Variants in M6PR observed in about 807,000 individuals in gnomAD.
M6PR encodes mannose-6-phosphate receptor, cation dependent.
In M6PR, 19 loss-of-function variants were observed where a neutral mutation model predicts 33.1. The observed-to-expected ratio is 0.57, with a 90% CI of 0.40 to 0.84. M6PR has a LOEUF of 0.84. M6PR is among the 40% of genes least tolerant of loss of function. M6PR has a pLI of 0.00. For synonymous variants in M6PR, 111 were observed against 123.4 expected (o/e 0.90, Z 0.67); for missense variants, 295 against 336.0 (o/e 0.88, Z 0.95).
At chr12:8,943,297 T>G in intron 5 of M6PR, 108 bp downstream of exon 5, 1 of 1,276,950 alleles carries the variant, frequency 7.8e-7, no homozygotes, top group Non-Finnish European at 1.1e-6. Context: ...CCCCATCAAT[T>G]ACAGCATAAT....
chr12:8,948,252 T>C (rs1946130490), intron 1 of M6PR, among the ~76,000 whole-genome samples: 1 of 152,242 alleles, frequency 6.6e-6, no homozygotes, highest in South Asian at 2.1e-4. Context: ...TCTTTAAATT[T>C]AAGCTGCTTC....
In M6PR at chr12:8,942,465, T is replaced by C; in HGVS notation, c.662A>G (p.Glu221Gly). ...CCAGAAGGCTAAGTGGGGAAACTGCTCCATTCCTTTGGCTCCCACTACCAG... is the reference window on the plus strand; with the variant it reads ...CCAGAAGGCTAAGTGGGGAAACTGCCCCATTCCTTTGGCTCCCACTACCAG... ...QRLVVGAKGM[E>G]QFPHLAFWQD... The change falls in exon 6 of 7, where the codon GAG becomes GGG. Residue 221 changes from glutamate to glycine, a missense_variant. Coordinates refer to ENST00000000412, the MANE Select transcript of M6PR (RefSeq NM_002355.4). The C allele has an allele frequency of 6.2e-7, 1 of 1,614,164 alleles. No homozygotes were observed. The highest frequency in any genetic ancestry group is 8.5e-7 in the Non-Finnish European group (1 of 1,180,014).
At position 8,946,336 on chromosome 12, in the gene M6PR, T is replaced by A. The variant is rs1431617386; in HGVS notation, c.69A>T (p.Glu23Asp). The change falls in exon 2 of 7, where the codon GAA (glutamate) becomes GAT (aspartate). Residue 23 changes from glutamate to aspartate, a missense_variant. Coordinates refer to ENST00000000412, the MANE Select transcript of M6PR (RefSeq NM_002355.4). ...LLLLLAVAVR[E>D]SWQTEEKTCD... ...AAGTTTTTTCTTCTGTCTGCCAGGA[T>A]TCTCTCACTGCCACAGCCAGGAGTA... 6 of 1,614,186 alleles carry A rather than the reference T, an allele frequency of 3.7e-6. No homozygotes were observed. The Middle Eastern group carries it at 4.9e-4, about 133-fold the overall frequency.
chr12:8,948,968 G>C (rs1946148423), intron 1 of M6PR, among the ~76,000 whole-genome samples: 1 of 152,182 alleles, frequency 6.6e-6, no homozygotes, highest in Non-Finnish European at 1.5e-5. Flanking sequence ...GACAAGTAGC[G>C]GCTATGTCCC....
Position 8,941,876 on chromosome 12 carries a change from C to G in M6PR, c.776G>C (p.Gly259Ala), listed in dbSNP as rs1385774101. ...TGACTCCTCCCCCAGCTGGTCATCC[C>G]CCACACCACGATATGCTGCAGGCAC... is the stretch of plus-strand genomic sequence containing the variant. ...RNVPAAYRGVGDDQLGEESEE... is the reference protein window; with the variant it reads ...RNVPAAYRGVADDQLGEESEE... Residue 259 changes from glycine (G) to alanine (A), a missense_variant, in exon 7 of 7, where the codon GGG becomes GCG. Coordinates refer to ENST00000000412, the MANE Select transcript of M6PR (RefSeq NM_002355.4). 1 of 1,614,130 alleles carries G rather than the reference C, an allele frequency of 6.2e-7. No homozygotes were observed. Among genetic ancestry groups the G allele is most frequent in the South Asian group, 1.1e-5 (1 of 91,080 alleles).
In M6PR at chr12:8,943,636, C is replaced by A. The variant is rs937764518; in HGVS notation, c.454-101G>T. Reference sequence around the variant, plus strand: ...AAACATCTGCTCCTTCCTGGTTCAGCAGCCTATTTTCCATGGAAGATGCGT... The same window carrying A: ...AAACATCTGCTCCTTCCTGGTTCAGAAGCCTATTTTCCATGGAAGATGCGT... On this transcript the variant is annotated intron_variant, in intron 4 of 6. Coordinates refer to ENST00000000412, the MANE Select transcript of M6PR (RefSeq NM_002355.4). 2.8e-5 allele frequency: 42 copies of A among 1,499,400 alleles called. No homozygotes were observed. In the Admixed American group the frequency reaches 6.7e-4, roughly 24 times the overall value. The allele number at this position is 1,499,400 out of a possible 1,614,324, so 92.9% of individuals were successfully genotyped here. A position where few individuals can be genotyped will look rare whatever the true frequency, so the allele number is the denominator to read the frequency against.
rs1390044674 is a variant in M6PR at position 8,943,719 on chromosome 12, T to G, written c.453+82A>C. ...TTCTAATGTCCATCCCAACGTATCG[T>G]GTCCCCTCTGGATATTCTCCCCAAC... On this transcript the variant is annotated intron_variant, in intron 4 of 6. Transcript: ENST00000000412. 2.2e-6 allele frequency: 3 copies of G among 1,366,988 alleles called. No homozygotes were observed. In the African/African-American group the frequency reaches 4.3e-5, roughly 20 times the overall value. 84.7% of individuals were successfully genotyped at this position (1,366,988 alleles called of 1,614,324 possible).
intron 3 of M6PR, among the ~76,000 whole-genome samples, chr12:8,944,658 TAAGAAA>T (rs1946070017): frequency 6.6e-6 from 1 of 152,202 alleles, no homozygotes; most frequent in South Asian, 2.1e-4. Flanking sequence ...ATATGACTTT[TAAGAAA>T]TATCACCACC....
At chr12:8,944,044 G>T (rs900336419) in intron 3 of M6PR, 134 bp from the exon 4 acceptor site, 33 of 651,618 alleles carry the variant, frequency 5.1e-5, no homozygotes, top group Non-Finnish European at 9.3e-5. Context: ...GTACGAACTT[G>T]GTATACCAGA....
At position 8,941,712 on chromosome 12, in the gene M6PR, A is replaced by C. The variant is rs1946011286; in HGVS notation, c.*106T>G. 1 of 1,391,104 alleles carries C rather than the reference A, an allele frequency of 7.2e-7. No individual in the cohort carries two copies. The highest frequency in any genetic ancestry group is 2.3e-5 in the East Asian group (1 of 43,236). The allele number at this position is 1,391,104 out of a possible 1,614,324, so 86.2% of individuals were successfully genotyped here. The stretch of plus-strand genomic sequence containing the variant: ...AAAAGCAAACTGGAAAGCAAGAGCA[A>C]TAGTAAGGGTGAGATGAGGGACTGG... On this transcript the variant is annotated 3_prime_UTR_variant, in exon 7 of 7. Coordinates refer to ENST00000000412, the MANE Select transcript of M6PR (RefSeq NM_002355.4).
chr12:8,942,456 G>C lies in M6PR; in HGVS notation c.671C>G (p.Pro224Arg). Residue 224 changes from proline (P) to arginine (R), a missense_variant, in exon 6 of 7, where the codon CCC becomes CGC. Physicochemically the swap from Pro to Arg is moderately radical, Grantham distance 103. Transcript: ENST00000000412. ...VVGAKGMEQF[P>R]HLAFWQDLGN... is the part of the protein sequence containing the mutation. ...AAGATCCTGCCAGAAGGCTAAGTGG[G>C]GAAACTGCTCCATTCCTTTGGCTCC... 1 of 1,614,172 alleles carries C rather than the reference G, an allele frequency of 6.2e-7. No individual in the cohort carries two copies. Among genetic ancestry groups the C allele is most frequent in the Non-Finnish European group, 8.5e-7 (1 of 1,180,024 alleles).
intron 6 of M6PR, chr12:8,942,191 G>A (rs1946022793): frequency 1.5e-6 from 1 of 683,126 alleles, no homozygotes; most frequent in Non-Finnish European, 2.4e-6. Flanking sequence ...AGCCCATCTG[G>A]TCAACAGTGT....
In M6PR at chr12:8,943,800, C is replaced by T; in HGVS notation, c.453+1G>A. The T allele has an allele frequency of 1.2e-6, 2 of 1,612,008 alleles. No individual in the cohort carries two copies. Among genetic ancestry groups the T allele is most frequent in the Non-Finnish European group, 8.5e-7 (1 of 1,179,588 alleles). ...GGCTTATACAACACAGGGTGCCTCA[C>T]CGCTAGGGTGTGTCGATTGCAGGAG... On this transcript the variant is annotated splice_donor_variant, in intron 4 of 6. Transcript: ENST00000000412. LOFTEE classifies it high-confidence loss of function.
intron 6 of M6PR, 38 bp from the exon 7 acceptor site, chr12:8,941,978 A>G (rs367796443): frequency 1.2e-6 from 2 of 1,611,576 alleles, no homozygotes; most frequent in South Asian, 1.1e-5. Context: ...AATTCGCAGC[A>G]TCTAACTTTA....
At position 8,941,293 on chromosome 12, in the gene M6PR, G is replaced by T. The variant is rs796220315; in HGVS notation, c.*525C>A. On this transcript the variant is annotated 3_prime_UTR_variant, in exon 7 of 7. Transcript: ENST00000000412. ...ATCTCCAGGCTCAGACTAAACGAGA[G>T]TACTTGGACTGCAACCAAGTAATCA... The T allele has an allele frequency of 4.2e-6, 1 of 240,102 alleles. No homozygotes were observed. The highest frequency in any genetic ancestry group is 2.3e-5 in the African/African-American group (1 of 42,890). 14.9% of individuals were successfully genotyped at this position (240,102 alleles called of 1,614,324 possible). A position where few individuals can be genotyped will look rare whatever the true frequency, so the allele number is the denominator to read the frequency against.
Position 8,941,736 on chromosome 12 carries a change from G to C in M6PR, c.*82C>G. 1.9e-6 allele frequency: 3 copies of C among 1,547,858 alleles called. No homozygotes were observed. In the South Asian group the frequency reaches 3.4e-5, roughly 17 times the overall value. On this transcript the variant is annotated 3_prime_UTR_variant, in exon 7 of 7. Transcript: ENST00000000412. ...AATAGTAAGGGTGAGATGAGGGACT[G>C]GAGTTGAGACTGCTTGAGAAATCTG...
rs774806924 is a variant in M6PR at position 8,942,435 on chromosome 12, T to A, written c.692A>T (p.Asp231Val). ...EQFPHLAFWQ[D>V]LGNLVADGCD... ...ACTTACTGCTACCAGGTTGCCAAGA[T>A]CCTGCCAGAAGGCTAAGTGGGGAAA... Residue 231 changes from aspartate to valine, a missense_variant, in exon 6 of 7, where the codon GAT becomes GTT. Coordinates refer to ENST00000000412, the MANE Select transcript of M6PR (RefSeq NM_002355.4). 1 of 1,614,196 alleles carries A rather than the reference T, an allele frequency of 6.2e-7. No individual in the cohort carries two copies. The highest frequency in any genetic ancestry group is 1.1e-5 in the South Asian group (1 of 91,088).
In M6PR at chr12:8,945,431, GTGAGTCTCGT is replaced by G; in HGVS notation, c.320_329del (p.Asn107ThrfsTer11). ...GAGTTTTCTTACTTCCGTTGAAGAT[GTGAGTCTCGT>G]TGAGTCTCCCTACCACTGTCTCCTT... On this transcript the variant is annotated frameshift_variant, in exon 3 of 7. Transcript: ENST00000000412. LOFTEE classifies it high-confidence loss of function. 1 of 1,614,030 alleles carries G rather than the reference GTGAGTCTCGT, an allele frequency of 6.2e-7. No homozygotes were observed. Among genetic ancestry groups the G allele is most frequent in the Non-Finnish European group, 8.5e-7 (1 of 1,179,962 alleles).
In M6PR at chr12:8,943,572, A is replaced by G. The variant is rs116067661; in HGVS notation, c.454-37T>C. The G allele has an allele frequency of 2.9e-3, 4,738 of 1,613,708 alleles. 133 individuals are homozygous for G. The African/African-American group carries it at 0.055, about 19-fold the overall frequency. ...ATGGCATAACACATTCAGGTGGTTA[A>G]GTGTTTTGACTCCTGTCCAACAAAA... On this transcript the variant is annotated intron_variant, in intron 4 of 6. Coordinates refer to ENST00000000412, the MANE Select transcript of M6PR (RefSeq NM_002355.4).
Sources: gnomAD v4.1 joint callset for allele counts (sites outside exome capture counted in the v4.1 genomes callset) on GRCh38, gnomAD v4.1.1 for gene constraint, MANE v1.5 for transcripts, NCBI Gene and HGNC (gene_info 2026-07-23, HGNC 2026-07-21) for gene names.